The following CCL15 variants were observed in gnomAD, a reference collection of about 807,000 sequenced individuals.
The protein encoded by CCL15 is C-C motif chemokine 15.
CCL15 carries 8 observed loss-of-function variants against 10.6 expected under a neutral mutation model. That is an observed-to-expected ratio of 0.75 (90% confidence interval 0.44 to 1.36). The LOEUF (loss-of-function observed/expected upper bound fraction) is 1.36, where lower values mean the gene tolerates loss of function less well. Ranked by LOEUF, CCL15 falls within the 40% of genes most tolerant of loss-of-function variation. CCL15 has a pLI of 0.00. For missense variants in CCL15, 128 were observed against 136.6 expected, an observed-to-expected ratio of 0.94 and a Z score of 0.32; for synonymous variants, 51 against 48.8, an observed-to-expected ratio of 1.04 and a Z score of -0.19.
At chr17:36,001,323 A>G in intron 1 of CCL15, 94 bp downstream of exon 1, 4 of 1,499,852 alleles carry the variant, frequency 2.7e-6, no homozygotes, top group South Asian at 2.3e-5. Flanking sequence ...TTCCATAACC[A>G]TGTCTGGGCT....
chr17:35,999,385 C>T (rs1247734293), intron 1 of CCL15, among the ~76,000 whole-genome samples: 2 of 151,708 alleles, frequency 1.3e-5, no homozygotes, highest in South Asian at 2.1e-4. Flanking sequence ...GTGTTTGCTA[C>T]AGAAAAATTG....
At chr17:35,998,254 A>G (rs774080548) in intron 3 of CCL15, 26 bp downstream of exon 3, 1 of 1,484,964 alleles carries the variant, frequency 6.7e-7, no homozygotes, top group Non-Finnish European at 9.4e-7. Flanking sequence ...CTTCCCCAAC[A>G]CATGGTTGGT....
chr17:35,998,395 C>A lies in CCL15; in HGVS notation c.137-4G>T. 6.2e-7 allele frequency: 1 copy of A among 1,605,798 alleles called. No homozygotes were observed. Among genetic ancestry groups the A allele is most frequent in the East Asian group, 2.2e-5 (1 of 44,818 alleles). Reference sequence around the variant, plus strand: ...CAGTCAGCAGCAAAGTGAAAGCCTGCAGCAAGAGAAAGCGTCATCTGAGGG... The same window carrying A: ...CAGTCAGCAGCAAAGTGAAAGCCTGAAGCAAGAGAAAGCGTCATCTGAGGG... On this transcript the variant is annotated splice_polypyrimidine_tract_variant and splice_region_variant and intron_variant, in intron 2 of 3. Transcript: ENST00000617897.
At chr17:35,999,644 T>C (rs1307997113) in intron 1 of CCL15, among the ~76,000 whole-genome samples, 3 of 151,912 alleles carry the variant, frequency 2.0e-5, no homozygotes, top group Non-Finnish European at 4.4e-5. Flanking sequence ...TTTACCTTTT[T>C]GTAGTGATGA....
rs1413497731 is a variant in CCL15, at chr17:35,997,946, C to T, written c.249-86G>A. ...CCCATCCTCCCTGCTCCTCAGATTTCCCAGTCAACACAGCCTGTTTTTTCC... is the reference window on the plus strand; with the variant it reads ...CCCATCCTCCCTGCTCCTCAGATTTTCCAGTCAACACAGCCTGTTTTTTCC... On this transcript the variant is annotated intron_variant, in intron 3 of 3. Transcript: ENST00000617897. The T allele has an allele frequency of 4.6e-6, 4 of 873,878 alleles. No homozygotes were observed. In the African/African-American group the frequency reaches 6.6e-5, roughly 14 times the overall value. The allele number at this position is 873,878 out of a possible 1,614,324, so 54.1% of individuals were successfully genotyped here. A position where few individuals can be genotyped will look rare whatever the true frequency, so the allele number is the denominator to read the frequency against.
intron 2 of CCL15, 88 bp downstream of exon 2, chr17:35,998,778 C>G (rs41505146): frequency 6.5e-6 from 7 of 1,070,952 alleles, no homozygotes; most frequent in Non-Finnish European, 1.0e-5. Context: ...CATTCTCCTC[C>G]CATTCTGTAA....
chr17:35,997,907 TG>T, intron 3 of CCL15, 47 bp from the exon 4 acceptor site: 1 of 1,463,694 alleles, frequency 6.8e-7, no homozygotes, highest in Non-Finnish European at 9.6e-7. Context: ...TGTGGGCAGA[TG>T]GAGACAGGGG....
chr17:36,001,315 C>T, intron 1 of CCL15, 102 bp downstream of exon 1: 1 of 1,460,648 alleles, frequency 6.8e-7, no homozygotes, highest in South Asian at 1.2e-5. Flanking sequence ...TAAATAAGTT[C>T]CATAACCATG....
In CCL15 at chr17:36,001,488, T is replaced by C; in HGVS notation, c.5A>G (p.Lys2Arg). The C allele has an allele frequency of 6.2e-7, 1 of 1,613,472 alleles. No individual in the cohort carries two copies. Among genetic ancestry groups the C allele is most frequent in the Non-Finnish European group, 8.5e-7 (1 of 1,179,976 alleles). Residue 2 changes from lysine to arginine, a missense_variant, in exon 1 of 4, where the codon AAG becomes AGG. By Grantham distance (26) the Lys-to-Arg change is conservative. Coordinates refer to ENST00000617897, the MANE Select transcript of CCL15 (RefSeq NM_032965.6). The stretch of plus-strand genomic sequence containing the variant: ...GCAGGAGAGGGCAGCCACGGAGACC[T>C]TCATCCTCCTGGTGGGCAGGCAGGG... MKVSVAALSCLM... is the reference protein window; with the variant it reads MRVSVAALSCLM...
At chr17:35,998,753 C>T (rs1459941600) in intron 2 of CCL15, 113 bp downstream of exon 2, 3 of 884,916 alleles carry the variant, frequency 3.4e-6, no homozygotes, top group Non-Finnish European at 5.6e-6. Flanking sequence ...ATATTCACCA[C>T]CCTCAGGACC....
chr17:36,001,465 A>C lies in CCL15; in HGVS notation c.28T>G (p.Cys10Gly), dbSNP rs1485985817. 2 of 1,613,982 alleles carry C rather than the reference A, an allele frequency of 1.2e-6. No individual in the cohort carries two copies. The highest frequency in any genetic ancestry group is 8.5e-7 in the Non-Finnish European group (1 of 1,180,006). MKVSVAALS[C>G]LMLVAVLGSQ... is the part of the protein sequence containing the mutation. The stretch of plus-strand genomic sequence containing the variant: ...CCAAGGACAGCAACAAGCATGAGGC[A>C]GGAGAGGGCAGCCACGGAGACCTTC... The change falls in exon 1 of 4, where the codon TGC becomes GGC. Residue 10 changes from cysteine to glycine, a missense_variant. Coordinates refer to ENST00000617897, the MANE Select transcript of CCL15 (RefSeq NM_032965.6).
chr17:36,000,499 G>GGA (rs1212455070), intron 1 of CCL15, among the ~76,000 whole-genome samples: 1 of 151,498 alleles, frequency 6.6e-6, no homozygotes, highest in Non-Finnish European at 1.5e-5. Context: ...TGACAGCTCG[G>GGA]GAGAGACTGC....
At chr17:35,999,571 C>T (rs918853247) in intron 1 of CCL15, among the ~76,000 whole-genome samples, 59 of 151,834 alleles carry the variant, frequency 3.9e-4, no homozygotes, top group African/African-American at 1.3e-3. Context: ...TCAAGTGATC[C>T]TCCTGCCTCA....
intron 1 of CCL15, among the ~76,000 whole-genome samples, chr17:35,999,695 G>A (rs569257733): frequency 6.6e-6 from 1 of 152,038 alleles, no homozygotes; most frequent in Non-Finnish European, 1.5e-5. Flanking sequence ...AACTCCTGTG[G>A]TCAAGCAATT....
chr17:35,997,892 T>C (rs41439447), intron 3 of CCL15, 32 bp from the exon 4 acceptor site: 169,088 of 1,553,386 alleles, frequency 0.11, 9,574 homozygotes, highest in South Asian at 0.15. Flanking sequence ...GATTACAAAC[T>C]GAGGTGTGGG....
chr17:36,001,497 C>T lies in CCL15; in HGVS notation c.-5G>A. The T allele has an allele frequency of 6.2e-7, 1 of 1,613,408 alleles. No homozygotes were observed. The highest frequency in any genetic ancestry group is 1.3e-5 in the African/African-American group (1 of 75,034). On this transcript the variant is annotated 5_prime_UTR_variant, in exon 1 of 4. Transcript: ENST00000617897. The stretch of plus-strand genomic sequence containing the variant: ...GGCAGCCACGGAGACCTTCATCCTC[C>T]TGGTGGGCAGGCAGGGCTGGCCGAG...
intron 1 of CCL15, among the ~76,000 whole-genome samples, chr17:36,000,267 G>A (rs2089976693): frequency 6.6e-6 from 1 of 151,672 alleles, no homozygotes; most frequent in Admixed American, 6.6e-5. Context: ...TTGGAGACTA[G>A]TCTGGCCAAC....
intron 1 of CCL15, among the ~76,000 whole-genome samples, chr17:36,001,012 G>C (rs2089989050): frequency 1.3e-5 from 2 of 152,180 alleles, no homozygotes; most frequent in South Asian, 4.1e-4. Context: ...CAGTGATCTT[G>C]GGTGAGTCAC....
intron 1 of CCL15, 35 bp from the exon 2 acceptor site, chr17:35,998,960 G>C (rs1393327528): frequency 1.3e-6 from 2 of 1,566,690 alleles, no homozygotes; most frequent in Admixed American, 3.3e-5. Context: ...AAATCACTGG[G>C]TGGCAGCAGT....
Sources: gnomAD v4.1 joint callset for allele counts (sites outside exome capture counted in the v4.1 genomes callset) on GRCh38, gnomAD v4.1.1 for gene constraint, MANE v1.5 for transcripts, NCBI Gene and HGNC (gene_info 2026-07-23, HGNC 2026-07-21) for gene names.